Variants in ATP6V1C1 observed in about 807,000 individuals in gnomAD.
ATP6V1C1 encodes the protein ATPase H+ transporting V1 subunit C1, also known as V-type proton ATPase subunit C 1.
A neutral mutation model predicts 53.9 loss-of-function variants in ATP6V1C1; 45 were observed. That is an observed-to-expected ratio of 0.83 (90% CI 0.66 to 1.07). The LOEUF is 1.07. Ranked by LOEUF, ATP6V1C1 falls within the 50% of genes least tolerant of loss-of-function variation. ATP6V1C1 has a pLI of 0.00. For synonymous variants in ATP6V1C1, 153 were observed against 155.2 expected (o/e 0.99, Z 0.11); for missense variants, 315 against 440.3 (o/e 0.72, Z 2.55).
At chr8:103,059,691 A>G (rs1197165309) in intron 8 of ATP6V1C1, among the ~76,000 whole-genome samples, 1 of 152,034 alleles carries the variant, frequency 6.6e-6, no homozygotes, top group Non-Finnish European at 1.5e-5. Context: ...ACCCACTGCC[A>G]CTGCTCCAGC....
At chr8:103,024,003 T>C (rs1326834065) in intron 1 of ATP6V1C1, among the ~76,000 whole-genome samples, 2 of 152,168 alleles carry the variant, frequency 1.3e-5, no homozygotes, top group African/African-American at 4.8e-5. Context: ...CTATGTCTTA[T>C]CTATAATCTT....
intron 4 of ATP6V1C1, 51 bp downstream of exon 4, chr8:103,049,006 C>G: frequency 6.6e-7 from 1 of 1,521,590 alleles, no homozygotes; most frequent in East Asian, 2.3e-5. Flanking sequence ...AAGCAAATAA[C>G]TAAGCTACAG....
At chr8:103,025,188 G>A (rs374115132) in intron 1 of ATP6V1C1, among the ~76,000 whole-genome samples, 3 of 152,168 alleles carry the variant, frequency 2.0e-5, no homozygotes, top group Admixed American at 6.5e-5. Flanking sequence ...AAATTAAGGC[G>A]TGTTAACAGG....
Position 103,072,212 on chromosome 8 carries a change from C to T in ATP6V1C1, c.*3465C>T. 1 of 152,186 alleles carries T rather than the reference C, an allele frequency of 6.6e-6. No homozygotes were observed. The highest frequency in any genetic ancestry group is 1.9e-4 in the East Asian group (1 of 5,202). The allele number at this position is 152,186 out of a possible 1,614,324, so 9.4% of individuals were successfully genotyped here. A position where few individuals can be genotyped will look rare whatever the true frequency, so the allele number is the denominator to read the frequency against. On this transcript the variant is annotated 3_prime_UTR_variant, in exon 13 of 13. Transcript: ENST00000518738. ...ATATCCAGTAGTACCTTTAAAGTAA[C>T]ACTTTGTACATAACAAATACTCAGC...
At chr8:103,026,050 G>A (rs1250230641) in intron 1 of ATP6V1C1, among the ~76,000 whole-genome samples, 1 of 151,522 alleles carries the variant, frequency 6.6e-6, no homozygotes, top group Non-Finnish European at 1.5e-5. Flanking sequence ...CCCTGGCATG[G>A]AAGGAATTAT....
chr8:103,054,877 G>T (rs1229966349), intron 7 of ATP6V1C1, among the ~76,000 whole-genome samples: 1 of 152,008 alleles, frequency 6.6e-6, no homozygotes, highest in Non-Finnish European at 1.5e-5. Flanking sequence ...TTTTTATCTG[G>T]TTCAGAGATT....
At chr8:103,031,273 A>G (rs568170228) in intron 1 of ATP6V1C1, among the ~76,000 whole-genome samples, 1 of 152,234 alleles carries the variant, frequency 6.6e-6, no homozygotes, top group Non-Finnish European at 1.5e-5. Flanking sequence ...AAGGTCAGCA[A>G]ACTACAAGAT....
rs117937662 is a variant in ATP6V1C1, at chr8:103,039,131, T to C, written c.-39-1667T>C. 3.4e-3 allele frequency among the ~76,000 whole-genome samples: 524 copies of C among 152,348 alleles called. 5 individuals carry two copies. Among genetic ancestry groups the C allele is most frequent in the Non-Finnish European group, 5.7e-3 (389 of 68,034 alleles). ...TACCACTGTCTGCATCTGTACCAGG[T>C]TTAACCTGCATTTCTTATCTGTAAA... On this transcript the variant is annotated intron_variant, in intron 1 of 12. Coordinates refer to ENST00000518738, the MANE Select transcript of ATP6V1C1 (RefSeq NM_001695.5).
chr8:103,022,181 G>A (rs568427311), intron 1 of ATP6V1C1, among the ~76,000 whole-genome samples: 1 of 152,270 alleles, frequency 6.6e-6, no homozygotes, highest in South Asian at 2.1e-4. Context: ...ATATTCTGGA[G>A]GAAAGAAAAC....
intron 1 of ATP6V1C1, among the ~76,000 whole-genome samples, chr8:103,034,919 C>T (rs532696622): frequency 2.6e-5 from 4 of 152,112 alleles, no homozygotes; most frequent in South Asian, 2.1e-4. Context: ...AAGTTGAGAG[C>T]GGTCATAGTT....
intron 1 of ATP6V1C1, among the ~76,000 whole-genome samples, chr8:103,026,726 T>G (rs1473014491): frequency 6.6e-6 from 1 of 152,006 alleles, no homozygotes; most frequent in African/African-American, 2.4e-5. Flanking sequence ...GGCAGAAGAA[T>G]CGCTTAAACC....
intron 1 of ATP6V1C1, among the ~76,000 whole-genome samples, chr8:103,029,873 T>C (rs1325646546): frequency 1.3e-5 from 2 of 152,060 alleles, no homozygotes; most frequent in Non-Finnish European, 2.9e-5. Context: ...GCTGGGACTA[T>C]AGGCATGCAC....
chr8:103,051,235 G>GAT, intron 5 of ATP6V1C1, 91 bp downstream of exon 5: 2 of 926,104 alleles, frequency 2.2e-6, no homozygotes, highest in Non-Finnish European at 3.2e-6. Flanking sequence ...TTTAGGTTTT[G>GAT]ATAAGGCAAC....
At position 103,072,659 on chromosome 8, in the gene ATP6V1C1, A is replaced by C. The variant is rs1817605419; in HGVS notation, c.*3912A>C. 6.6e-6 allele frequency: 1 copy of C among 152,190 alleles called. No individual in the cohort carries two copies. Among genetic ancestry groups the C allele is most frequent in the South Asian group, 2.1e-4 (1 of 4,834 alleles). 9.4% of individuals were successfully genotyped at this position (152,190 alleles called of 1,614,324 possible). ...TTCTTTAGATTCATATATGGAGGTA[A>C]TTCTTGCTTTCTAAAGAAAGGAATA... On this transcript the variant is annotated 3_prime_UTR_variant, in exon 13 of 13. Coordinates refer to ENST00000518738, the MANE Select transcript of ATP6V1C1 (RefSeq NM_001695.5).
At chr8:103,039,141 A>G (rs949729775) in intron 1 of ATP6V1C1, among the ~76,000 whole-genome samples, 6 of 152,204 alleles carry the variant, frequency 3.9e-5, no homozygotes, top group Admixed American at 6.5e-5. Context: ...TTTAACCTGC[A>G]TTTCTTATCT....
At chr8:103,029,217 G>A (rs1042563160) in intron 1 of ATP6V1C1, among the ~76,000 whole-genome samples, 3 of 151,428 alleles carry the variant, frequency 2.0e-5, no homozygotes, top group Admixed American at 1.3e-4. Context: ...TTGCCAAATT[G>A]TGTTCCAGAA....
chr8:103,025,623 A>T (rs796347685), intron 1 of ATP6V1C1, among the ~76,000 whole-genome samples: 2 of 152,336 alleles, frequency 1.3e-5, no homozygotes, highest in South Asian at 4.1e-4. Flanking sequence ...GAATAACTCA[A>T]ATAGAGTCCC....
intron 12 of ATP6V1C1, 62 bp from the exon 13 acceptor site, chr8:103,068,590 C>A: frequency 7.7e-7 from 1 of 1,302,796 alleles, no homozygotes; most frequent in Non-Finnish European, 1.1e-6. Context: ...AATGTTAATA[C>A]TTGCTTTCTT....
chr8:103,042,469 A>G, intron 3 of ATP6V1C1, 62 bp downstream of exon 3: 1 of 1,523,890 alleles, frequency 6.6e-7, no homozygotes, highest in African/African-American at 1.4e-5. Context: ...GGCTTCATGG[A>G]CACTGGGTTT....
Sources: gnomAD v4.1 joint callset for allele counts (sites outside exome capture counted in the v4.1 genomes callset) on GRCh38, gnomAD v4.1.1 for gene constraint, MANE v1.5 for transcripts, NCBI Gene and HGNC (gene_info 2026-07-23, HGNC 2026-07-21) for gene names.